Variants in TSHZ2 observed in about 807,000 individuals in gnomAD.
TSHZ2 encodes teashirt homolog 2.
A neutral mutation model predicts 74.4 loss-of-function variants in TSHZ2; 21 were observed. The ratio of observed to expected loss-of-function variants is 0.28; its 90% confidence interval spans 0.20 to 0.41. The LOEUF (loss-of-function observed/expected upper bound fraction) is 0.41. Ranked by LOEUF, TSHZ2 falls within the 10% of genes least tolerant of loss-of-function variation. The probability of loss-of-function intolerance (pLI) is 1.00; values close to 1 mark genes in which losing one functional copy is unlikely to be tolerated. For synonymous variants in TSHZ2, 540 were observed against 515.3 expected (o/e 1.05, Z -0.65); for missense variants, 1,244 against 1,293.5 (o/e 0.96, Z 0.59).
intron 1 of TSHZ2, among the ~76,000 whole-genome samples, chr20:53,096,841 C>T (rs531217024): frequency 6.6e-6 from 1 of 151,406 alleles, no homozygotes; most frequent in African/African-American, 2.4e-5. Flanking sequence ...GAGATCCTGC[C>T]ACTGCACTCC....
chr20:53,226,448 G>GTGTGTGTGTGTGTGTGTGTA (rs1989690809), intron 1 of TSHZ2, among the ~76,000 whole-genome samples: 3 of 152,126 alleles, frequency 2.0e-5, no homozygotes, highest in Admixed American at 6.5e-5. Flanking sequence ...GTGTGTGTGT[G>GTGTGTGTGTGTGTGTGTGTA]TGTGTATGTG....
intron 1 of TSHZ2, among the ~76,000 whole-genome samples, chr20:53,222,594 G>A (rs1989589157): frequency 6.6e-6 from 1 of 152,198 alleles, no homozygotes; most frequent in African/African-American, 2.4e-5. Flanking sequence ...CAAAGGTTCT[G>A]TCACTTGGCC....
chr20:53,001,210 G>GTGTGTGTGTGTGTGTGTGTA (rs1555813542), intron 1 of TSHZ2, among the ~76,000 whole-genome samples: 26 of 76,436 alleles, frequency 3.4e-4, no homozygotes, highest in Admixed American at 1.3e-3. Context: ...ATGTGCGTGT[G>GTGTGTGTGTGTGTGTGTGTA]TGTGTGTGTG....
intron 2 of TSHZ2, among the ~76,000 whole-genome samples, chr20:53,370,531 C>A (rs1981429160): frequency 6.6e-6 from 1 of 152,190 alleles, no homozygotes; most frequent in Non-Finnish European, 1.5e-5. Context: ...AAGACCGAGG[C>A]AGACGGATAG....
chr20:53,243,410 A>G (rs752952283), intron 1 of TSHZ2, among the ~76,000 whole-genome samples: 2 of 152,176 alleles, frequency 1.3e-5, no homozygotes, highest in Non-Finnish European at 2.9e-5. Flanking sequence ...GAAGAGATGA[A>G]AGCATATCAT....
At chr20:53,232,569 C>T (rs2066945598) in intron 1 of TSHZ2, among the ~76,000 whole-genome samples, 1 of 152,130 alleles carries the variant, frequency 6.6e-6, no homozygotes. Context: ...AAGAACGTTA[C>T]AGTTGTGTTA....
At chr20:53,056,340 T>C (rs1329343224) in intron 1 of TSHZ2, among the ~76,000 whole-genome samples, 4 of 152,192 alleles carry the variant, frequency 2.6e-5, no homozygotes, top group South Asian at 4.1e-4. Flanking sequence ...AAACAGGTGA[T>C]GCCTAAGTAC....
At chr20:53,436,125 A>G (rs1984052782) in intron 2 of TSHZ2, among the ~76,000 whole-genome samples, 1 of 146,322 alleles carries the variant, frequency 6.8e-6, no homozygotes, top group Non-Finnish European at 1.5e-5. Flanking sequence ...GATGGTTTCT[A>G]TGGCTGGGCT....
chr20:53,209,058 CA>C (rs1989240095), intron 1 of TSHZ2, among the ~76,000 whole-genome samples: 1 of 152,152 alleles, frequency 6.6e-6, no homozygotes, highest in African/African-American at 2.4e-5. Context: ...AAGACATTTC[CA>C]AAACAACCAT....
At chr20:53,040,919 C>T (rs1568732200) in intron 1 of TSHZ2, among the ~76,000 whole-genome samples, 1 of 152,102 alleles carries the variant, frequency 6.6e-6, no homozygotes, top group Non-Finnish European at 1.5e-5. Context: ...TCCTGTTGTT[C>T]CTATTCACAC....
chr20:53,343,438 C>G (rs1980302923), intron 2 of TSHZ2, among the ~76,000 whole-genome samples: 1 of 152,162 alleles, frequency 6.6e-6, no homozygotes, highest in Admixed American at 6.5e-5. Flanking sequence ...CTCTCTGGAG[C>G]TCCAACTGTC....
chr20:53,303,298 G>C (rs779102759), intron 2 of TSHZ2, among the ~76,000 whole-genome samples: 3 of 152,138 alleles, frequency 2.0e-5, no homozygotes, highest in Non-Finnish European at 4.4e-5. Context: ...CGTCTATCTT[G>C]TTGAGACTTA....
At chr20:53,331,992 T>C (rs936971584) in intron 2 of TSHZ2, among the ~76,000 whole-genome samples, 1 of 152,078 alleles carries the variant, frequency 6.6e-6, no homozygotes, top group Non-Finnish European at 1.5e-5. Flanking sequence ...GGACAGAGAC[T>C]CCATCTTCAC....
Position 53,304,146 on chromosome 20 carries a change from G to T in TSHZ2, c.*8+47575G>T, listed in dbSNP as rs528798960. On this transcript the variant is annotated intron_variant, in intron 2 of 2. Transcript: ENST00000371497. ...GCTGGTGTGCTGCACCCATTAACTC[G>T]TCACTTAGCATTAGGTATATCTCCT... 2.7e-3 allele frequency among the ~76,000 whole-genome samples: 402 copies of T among 149,834 alleles called. 3 individuals carry two copies. The highest frequency in any genetic ancestry group is 2.7e-3 in the Non-Finnish European group (184 of 67,524).
intron 1 of TSHZ2, among the ~76,000 whole-genome samples, chr20:53,021,597 T>C (rs932122026): frequency 1.3e-4 from 20 of 152,172 alleles, no homozygotes; most frequent in Non-Finnish European, 4.4e-5. Context: ...TTACGATAAA[T>C]ATGCATCTCT....
intron 2 of TSHZ2, among the ~76,000 whole-genome samples, chr20:53,427,764 C>T (rs1983705796): frequency 6.6e-6 from 1 of 152,252 alleles, no homozygotes; most frequent in African/African-American, 2.4e-5. Flanking sequence ...CCCCAACTTA[C>T]TGCTGCCTTT....
rs3042096 is a variant in TSHZ2 at position 53,280,641 on chromosome 20, TTTTG to T, written c.*8+24090_*8+24093del. On this transcript the variant is annotated intron_variant, in intron 2 of 2. Transcript: ENST00000371497. The stretch of plus-strand genomic sequence containing the variant: ...TCATCATTTAGTCAACAAGTCGTTT[TTTTG>T]TTTGTTTGTTTGTTTGTTTTTTGTT... Among the ~76,000 whole-genome samples, 780 of 151,016 alleles carry T rather than the reference TTTTG, an allele frequency of 5.2e-3. 6 individuals are homozygous for T. The highest frequency in any genetic ancestry group is 0.018 in the African/African-American group (714 of 40,662).
chr20:53,407,594 T>C (rs1215077500), intron 2 of TSHZ2, among the ~76,000 whole-genome samples: 2 of 152,236 alleles, frequency 1.3e-5, no homozygotes, highest in African/African-American at 2.4e-5. Context: ...CATGGTTACC[T>C]ATGTTTACTC....
intron 1 of TSHZ2, among the ~76,000 whole-genome samples, chr20:53,039,439 T>G (rs1022788174): frequency 5.3e-5 from 8 of 152,212 alleles, no homozygotes; most frequent in Non-Finnish European, 1.2e-4. Context: ...TAAATATGTG[T>G]TAACCAAATA....
Sources: allele counts gnomAD v4.1 joint callset (sites outside exome capture counted in the v4.1 genomes callset), GRCh38; gene constraint gnomAD v4.1.1; transcripts MANE v1.5; gene names NCBI Gene and HGNC (gene_info 2026-07-23, HGNC 2026-07-21).